The following STARD9 variants were observed in gnomAD, a reference collection of about 807,000 sequenced individuals.
STARD9 encodes StAR related lipid transfer domain containing 9.
Under a neutral mutation model 399.8 loss-of-function variants are expected in STARD9, and 346 were observed. The observed-to-expected ratio is 0.87, with a 90% confidence interval of 0.79 to 0.95. The LOEUF (loss-of-function observed/expected upper bound fraction) is 0.95. Among genes scored for constraint, STARD9 ranks in the 40% least tolerant of loss-of-function variants. The pLI is 0.00. For synonymous variants in STARD9, 2,203 were observed against 2,143.5 expected, an observed-to-expected ratio of 1.03 and a Z score of -0.77; for missense variants, 5,832 against 5,667.5, an observed-to-expected ratio of 1.03 and a Z score of -0.93.
chr15:42,664,025 C>A (rs1164861023), intron 13 of STARD9, 108 bp downstream of exon 13: 3 of 717,912 alleles, frequency 4.2e-6, no homozygotes, highest in Non-Finnish European at 7.1e-6. Context: ...ACTTTCCAGA[C>A]TTGTCCTCCA....
At chr15:42,714,865 A>T (rs1285493935) in intron 26 of STARD9, among the ~76,000 whole-genome samples, 1 of 151,050 alleles carries the variant, frequency 6.6e-6, no homozygotes, top group East Asian at 1.9e-4. Context: ...TTTTTTTCAG[A>T]TGGCTGCCCA....
chr15:42,615,502 T>A (rs2058945021), intron 3 of STARD9, among the ~76,000 whole-genome samples: 1 of 151,954 alleles, frequency 6.6e-6, no homozygotes, highest in Non-Finnish European at 1.5e-5. Context: ...AGTTAAAAAA[T>A]TATTTAATAA....
Position 42,688,960 on chromosome 15 carries a change from A to G in STARD9, c.7382A>G (p.Asp2461Gly). 2.6e-6 allele frequency: 4 copies of G among 1,537,442 alleles called. No homozygotes were observed. The highest frequency in any genetic ancestry group is 3.5e-6 in the Non-Finnish European group (4 of 1,146,956). The change falls in exon 23 of 33, where the codon GAT (aspartate) becomes GGT (glycine). Residue 2461 changes from aspartate to glycine, a missense_variant. Transcript: ENST00000290607. ...TTGCTGGGTTTCAGTACCAGTGAAG[A>G]TTTTGCTTCTGAAGCCGAGGTGGCT... ...ITLLGFSTSEDFASEAEVAVQ... is the reference protein window; with the variant it reads ...ITLLGFSTSEGFASEAEVAVQ...
At position 42,585,574 on chromosome 15, in the gene STARD9, T is replaced by C. The variant is rs1022942094; in HGVS notation, c.171T>C (p.Phe57=). 1 of 1,537,226 alleles carries C rather than the reference T, an allele frequency of 6.5e-7. No individual in the cohort carries two copies. ...FGDSREKVMA[F]GFDYCYWSVN... ...ACTCCCGGGAGAAGGTTATGGCATT[T>C]GGCTTTGATTACTGCTACTGGTCAG... The change falls in exon 3 of 33, where the codon TTT becomes TTC. Residue 57 remains phenylalanine (F), a synonymous_variant. Transcript: ENST00000290607.
In STARD9 at chr15:42,695,897, T is replaced by C; in HGVS notation, c.13284+17T>C. The C allele has an allele frequency of 1.3e-6, 2 of 1,533,102 alleles. No individual in the cohort carries two copies. Among genetic ancestry groups the C allele is most frequent in the Non-Finnish European group, 1.7e-6 (2 of 1,146,010 alleles). The allele number at this position is 1,533,102 out of a possible 1,614,324, so 95.0% of individuals were successfully genotyped here. On this transcript the variant is annotated intron_variant, in intron 26 of 32. Transcript: ENST00000290607. ...GAGAATATGGTGAGTAGGCAGATGTTGGGAATGAGCCAGGGGCCTGGACTG... is the reference window on the plus strand; with the variant it reads ...GAGAATATGGTGAGTAGGCAGATGTCGGGAATGAGCCAGGGGCCTGGACTG...
intron 1 of STARD9, chr15:42,581,444 G>C: frequency 6.5e-7 from 1 of 1,531,360 alleles, no homozygotes; most frequent in African/African-American, 1.4e-5. Flanking sequence ...TGGGGAAGGC[G>C]CGGCTCTGGC....
intron 26 of STARD9, among the ~76,000 whole-genome samples, chr15:42,696,687 C>T (rs1019567431): frequency 2.6e-5 from 4 of 152,134 alleles, no homozygotes. Context: ...TGCTTCAGGG[C>T]ACTGCTAGTG....
At position 42,693,525 on chromosome 15, in the gene STARD9, C is replaced by T. The variant is rs77448540; in HGVS notation, c.11947C>T (p.His3983Tyr). The T allele has an allele frequency of 6.5e-7, 1 of 1,537,290 alleles. No homozygotes were observed. Among genetic ancestry groups the T allele is most frequent in the Non-Finnish European group, 8.7e-7 (1 of 1,146,912 alleles). ...ATCCTTCCTTGAGTTGCACTCCCCA[C>T]ACAGCCCACAGCAGAGTCCAAAACT... Reference protein sequence around the residue: ...GRSFLELHSPHSPQQSPKLQF... With the variant: ...GRSFLELHSPYSPQQSPKLQF... The change falls in exon 23 of 33, where the codon CAC (histidine) becomes TAC (tyrosine). Residue 3983 changes from histidine (H) to tyrosine (Y), a missense_variant. Physicochemically the swap from His to Tyr is moderately conservative, Grantham distance 83 (BLOSUM62 2). Transcript: ENST00000290607.
chr15:42,589,399 C>T (rs2058349973), intron 3 of STARD9, among the ~76,000 whole-genome samples: 1 of 152,068 alleles, frequency 6.6e-6, no homozygotes, highest in Non-Finnish European at 1.5e-5. Flanking sequence ...GTGTAACTGA[C>T]ACTACAATCA....
In STARD9 at chr15:42,689,592, G is replaced by A; in HGVS notation, c.8014G>A (p.Ala2672Thr). Residue 2672 changes from alanine to threonine, a missense_variant, in exon 23 of 33, where the codon GCT (alanine) becomes ACT (threonine). This residue lies in a region of STARD9 where 5,828 missense variants were observed against 5,651.1 expected (regional missense o/e 1.03). Coordinates refer to ENST00000290607, the MANE Select transcript of STARD9 (RefSeq NM_020759.3). ...PVQAFSHAAP[A>T]QDRKRRTGEL... The stretch of plus-strand genomic sequence containing the variant: ...GCAGGCTTTCTCCCATGCTGCTCCT[G>A]CTCAAGACAGGAAACGTCGTACTGG... 2.6e-6 allele frequency: 4 copies of A among 1,537,360 alleles called. No individual in the cohort carries two copies. The highest frequency in any genetic ancestry group is 3.5e-6 in the Non-Finnish European group (4 of 1,146,930).
chr15:42,577,279 C>T (rs979606417), intron 1 of STARD9, among the ~76,000 whole-genome samples: 1 of 152,036 alleles, frequency 6.6e-6, no homozygotes, highest in African/African-American at 2.4e-5. Flanking sequence ...TCAGCCTCCC[C>T]AGCAGCTGGG....
In STARD9 at chr15:42,690,023, G is replaced by T. The variant is rs548560772; in HGVS notation, c.8445G>T (p.Gln2815His). The change falls in exon 23 of 33, where the codon CAG becomes CAT. Residue 2815 changes from glutamine (Q) to histidine (H), a missense_variant. Transcript: ENST00000290607. ...AAAAAACAGCCCATTTTGAAAGTCA[G>T]TCTGTGACCTGTGATGTTCAGAATT... ...QGEKTAHFES[Q>H]SVTCDVQNST... is the part of the protein sequence containing the mutation. 4 of 1,537,496 alleles carry T rather than the reference G, an allele frequency of 2.6e-6. No individual in the cohort carries two copies. Among genetic ancestry groups the T allele is most frequent in the South Asian group, 1.2e-5 (1 of 84,064 alleles).
intron 3 of STARD9, among the ~76,000 whole-genome samples, chr15:42,607,194 CTTTT>C (rs763484090): frequency 2.5e-5 from 1 of 39,260 alleles, no homozygotes; most frequent in East Asian, 1.1e-3. Context: ...TTTTCTGGTG[CTTTT>C]TTTTTTTTTT....
intron 3 of STARD9, 85 bp from the exon 4 acceptor site, chr15:42,634,771 A>T: frequency 1.6e-6 from 1 of 641,448 alleles, no homozygotes; most frequent in South Asian, 2.4e-5. Context: ...GAAATATTTT[A>T]TATTTTTTTA....
intron 22 of STARD9, among the ~76,000 whole-genome samples, chr15:42,683,512 A>G (rs891137805): frequency 6.6e-6 from 1 of 152,152 alleles, no homozygotes; most frequent in East Asian, 1.9e-4. Flanking sequence ...AGCTACCAAA[A>G]TTAAGATTAT....
intron 1 of STARD9, among the ~76,000 whole-genome samples, chr15:42,579,449 G>A (rs1277574183): frequency 6.6e-6 from 1 of 152,158 alleles, no homozygotes; most frequent in East Asian, 1.9e-4. Context: ...TAGGTCTGTA[G>A]TCATCTTAAA....
Position 42,654,874 on chromosome 15 carries a change from A to G in STARD9, c.702+2282A>G, listed in dbSNP as rs146581067. On this transcript the variant is annotated intron_variant, in intron 9 of 32. Transcript: ENST00000290607. ...CTGCCTAAAGCAGTCTACAAATTCA[A>G]TGCAATCCCCATCAAAATACCACCA... Among the ~76,000 whole-genome samples the G allele has an allele frequency of 8.4e-3, 1,273 of 152,348 alleles. 20 individuals carry two copies. The highest frequency in any genetic ancestry group is 0.012 in the Non-Finnish European group (832 of 68,036).
At chr15:42,672,991 G>A (rs1019226557) in intron 16 of STARD9, 10 of 152,602 alleles carry the variant, frequency 6.6e-5, no homozygotes, top group African/African-American at 1.9e-4. Context: ...CCAGCTACTC[G>A]GAAGGCTGAG....
In STARD9 at chr15:42,690,250, G is replaced by T; in HGVS notation, c.8672G>T (p.Gly2891Val). Reference protein sequence around the residue: ...GSGLTEVCRAGSKHSRPIPLP... With the variant: ...GSGLTEVCRAVSKHSRPIPLP... ...GGGTTGACAGAAGTCTGCAGGGCTG[G>T]CAGCAAACATTCCAGGCCAATTCCA... is the stretch of plus-strand genomic sequence containing the variant. Residue 2891 changes from glycine to valine, a missense_variant, in exon 23 of 33, where the codon GGC (glycine) becomes GTC (valine). This residue lies in a region of STARD9 where 5,828 missense variants were observed against 5,651.1 expected (regional missense o/e 1.03). Coordinates refer to ENST00000290607, the MANE Select transcript of STARD9 (RefSeq NM_020759.3). 1.3e-6 allele frequency: 2 copies of T among 1,537,454 alleles called. No individual in the cohort carries two copies. Among genetic ancestry groups the T allele is most frequent in the Non-Finnish European group, 1.7e-6 (2 of 1,146,960 alleles).
Sources: allele counts gnomAD v4.1 joint callset (sites outside exome capture counted in the v4.1 genomes callset), GRCh38; gene constraint gnomAD v4.1.1; regional missense constraint gnomAD v4.1.1; transcripts MANE v1.5; gene names NCBI Gene and HGNC (gene_info 2026-07-23, HGNC 2026-07-21).